GYG2: variants seen among roughly 807,000 people sequenced by gnomAD.
GYG2 encodes glycogenin 2, also known as glycogenin-2.
Under a neutral mutation model 29.4 loss-of-function variants are expected in GYG2, and 29 were observed. That is an observed-to-expected ratio of 0.99 (90% CI 0.74 to 1.35). The LOEUF (loss-of-function observed/expected upper bound fraction) is 1.35, where lower values mean the gene tolerates loss of function less well. GYG2 is among the 40% of genes most tolerant of loss of function. The probability of loss-of-function intolerance (pLI) is 0.00; values close to 1 mark genes in which losing one functional copy is unlikely to be tolerated. For missense variants in GYG2, 370 were observed against 385.7 expected (o/e 0.96, Z 0.34); for synonymous variants, 167 against 172.3 (o/e 0.97, Z 0.24).
intron 1 of GYG2, 73 bp from the exon 2 acceptor site, chrX:2,829,988 G>A: frequency 2.3e-6 from 1 of 439,435 alleles, no homozygotes; most frequent in Non-Finnish European, 4.0e-6. Context: ...ACATGGAGTG[G>A]GTAGGAGGCC....
At chrX:2,859,785 C>T in intron 6 of GYG2, 58 bp from the exon 7 acceptor site, 1 of 784,608 alleles carries the variant, frequency 1.3e-6, no homozygotes, top group Non-Finnish European at 1.9e-6. Flanking sequence ...TGGATGCTTT[C>T]TGGGTGTCTT....
intron 7 of GYG2, 97 bp from the exon 8 acceptor site, chrX:2,861,425 G>C (rs1054655535): frequency 2.3e-5 from 14 of 596,172 alleles, no homozygotes; most frequent in Middle Eastern, 9.6e-4. Context: ...TGGGAGCTGG[G>C]AGCCCTGGCT....
Position 2,861,554 on chromosome X carries a change from G to A in GYG2, c.870G>A (p.Ala290=), listed in dbSNP as rs73632947. The A allele has an allele frequency of 2.4e-3, 2,841 of 1,206,415 alleles. 47 individuals carry two copies. In the African/African-American group the frequency reaches 0.042, roughly 18 times the overall value. The part of the protein sequence containing the change: ...LCHSDVGGPC[A]DSASGVGEPC... ...ACAGTGATGTGGGGGGGCCGTGTGC[G>A]GATTCAGCCTCTGGTGTTGGAGAGC... The change falls in exon 8 of 11, where the codon GCG becomes GCA. Residue 290 remains alanine (A), a synonymous_variant. Transcript: ENST00000398806.
At chrX:2,848,248 C>T (rs1245117460) in intron 3 of GYG2, among the ~76,000 whole-genome samples, 1 of 111,278 alleles carries the variant, frequency 9.0e-6, no homozygotes, top group Non-Finnish European at 1.9e-5. Context: ...GTATTAAACA[C>T]GAGCAACTGG....
intron 8 of GYG2, among the ~76,000 whole-genome samples, chrX:2,872,494 G>A (rs2088495952): frequency 8.9e-6 from 1 of 112,354 alleles, no homozygotes; most frequent in Non-Finnish European, 1.9e-5. Flanking sequence ...AGCAAGGGCT[G>A]ACTGAACTTC....
intron 3 of GYG2, among the ~76,000 whole-genome samples, chrX:2,846,106 G>A (rs1464768250): frequency 2.1e-4 from 15 of 71,798 alleles, no homozygotes; most frequent in African/African-American, 2.5e-4. Context: ...TCACTCTGTC[G>A]TCCAAGCTGG....
chrX:2,878,794 G>A (rs1024652036), intron 10 of GYG2, among the ~76,000 whole-genome samples: 2 of 112,334 alleles, frequency 1.8e-5, no homozygotes, highest in Admixed American at 1.9e-4. Context: ...TTAGTATCTT[G>A]TATAATACCC....
At chrX:2,869,020 A>AT (rs2088381646) in intron 8 of GYG2, among the ~76,000 whole-genome samples, 1 of 109,363 alleles carries the variant, frequency 9.1e-6, no homozygotes, top group African/African-American at 3.3e-5. Flanking sequence ...ACATCTTAAA[A>AT]AAAAAAAAAA....
At chrX:2,834,433 A>G (rs1287203919) in intron 2 of GYG2, among the ~76,000 whole-genome samples, 1 of 112,011 alleles carries the variant, frequency 8.9e-6, no homozygotes, top group East Asian at 2.8e-4. Context: ...CTTGATGGAT[A>G]AGTTCTTCCT....
In GYG2 at chrX:2,867,777, C is replaced by T. The variant is rs1348140756; in HGVS notation, c.1038+6055C>T. 4.5e-5 allele frequency among the ~76,000 whole-genome samples: 5 copies of T among 112,208 alleles called. No individual in the cohort carries two copies. The South Asian group carries it at 1.1e-3, about 25-fold the overall frequency. ...TTGGTTTACATCCCAACAAACCCAT[C>T]GTAAACTGAAATATCTTAAGTCAAA... On this transcript the variant is annotated intron_variant, in intron 8 of 10. Transcript: ENST00000398806.
At chrX:2,868,561 T>G (rs2088364788) in intron 8 of GYG2, among the ~76,000 whole-genome samples, 1 of 109,746 alleles carries the variant, frequency 9.1e-6, no homozygotes, top group Non-Finnish European at 1.9e-5. Flanking sequence ...CTAAGGTCGG[T>G]GAATACTGCG....
intron 2 of GYG2, among the ~76,000 whole-genome samples, chrX:2,834,841 T>TC (rs1290013533): frequency 3.6e-5 from 4 of 111,343 alleles, no homozygotes; most frequent in Non-Finnish European, 5.7e-5. Flanking sequence ...AAAACTCATG[T>TC]CCCCCCAGAA....
chrX:2,854,236 G>A (rs975395104), intron 4 of GYG2, 82 bp downstream of exon 4: 2 of 668,695 alleles, frequency 3.0e-6, no homozygotes, highest in Non-Finnish European at 4.5e-6. Context: ...TTTTTTTTGT[G>A]TGTGTGTGAC....
Position 2,850,791 on chromosome X carries a change from C to T in GYG2, c.150-3189C>T, listed in dbSNP as rs192274369. Among the ~76,000 whole-genome samples, 993 of 109,967 alleles carry T rather than the reference C, an allele frequency of 9.0e-3. 7 individuals carry two copies. Among genetic ancestry groups the T allele is most frequent in the Middle Eastern group, 0.051 (11 of 217 alleles). On this transcript the variant is annotated intron_variant, in intron 3 of 10. Coordinates refer to ENST00000398806, the MANE Select transcript of GYG2 (RefSeq NM_001079855.2). ...CCCTTTGACTGTAATTTTCCTTGAC[C>T]TACCCAAATCTTATAAAACGGCCCC...
At chrX:2,856,420 C>T in intron 5 of GYG2, 78 bp from the exon 6 acceptor site, 2 of 957,103 alleles carry the variant, frequency 2.1e-6, no homozygotes, top group Non-Finnish European at 2.9e-6. Flanking sequence ...ATGTTGAGAG[C>T]TTCAGGCACA....
intron 8 of GYG2, 100 bp from the exon 9 acceptor site, chrX:2,875,710 C>T (rs2088577456): frequency 1.8e-6 from 1 of 554,155 alleles, no homozygotes; most frequent in Non-Finnish European, 3.0e-6. Context: ...TGTATTTGCA[C>T]CATAGAGGCA....
intron 8 of GYG2, among the ~76,000 whole-genome samples, chrX:2,864,059 G>A (rs2088238856): frequency 8.9e-6 from 1 of 111,942 alleles, no homozygotes; most frequent in Admixed American, 9.5e-5. Flanking sequence ...GCCAATAAAG[G>A]GGAACTCCCA....
chrX:2,850,682 T>G (rs1165440493), intron 3 of GYG2, among the ~76,000 whole-genome samples: 1 of 111,280 alleles, frequency 9.0e-6, no homozygotes, highest in Admixed American at 9.6e-5. Context: ...TCTTGTGAAA[T>G]TCCTTCTCCT....
chrX:2,843,933 C>T (rs1422280709), intron 3 of GYG2, among the ~76,000 whole-genome samples: 1 of 112,596 alleles, frequency 8.9e-6, no homozygotes, highest in Admixed American at 9.4e-5. Flanking sequence ...TGAACCATGG[C>T]ACCCAGCCAA....
Sources: allele counts gnomAD v4.1 joint callset (sites outside exome capture counted in the v4.1 genomes callset), GRCh38; gene constraint gnomAD v4.1.1; transcripts MANE v1.5; gene names NCBI Gene and HGNC (gene_info 2026-07-23, HGNC 2026-07-21).